The following DHRS3 variants were observed in gnomAD, a reference collection of about 807,000 sequenced individuals.
DHRS3 encodes dehydrogenase/reductase 3, also known as short-chain dehydrogenase/reductase 3.
Under a neutral mutation model 27.2 loss-of-function variants are expected in DHRS3, and 14 were observed. The observed-to-expected ratio is 0.52, with a 90% CI of 0.34 to 0.81. The LOEUF (loss-of-function observed/expected upper bound fraction) is 0.81, where lower values mean the gene tolerates loss of function less well. DHRS3 is among the 30% of genes least tolerant of loss of function. The pLI, the probability that DHRS3 is intolerant of heterozygous loss-of-function variation, is 0.01. For synonymous variants in DHRS3, 165 were observed against 175.9 expected (o/e 0.94, Z 0.49); for missense variants, 322 against 406.2 (o/e 0.79, Z 1.78).
intron 1 of DHRS3, among the ~76,000 whole-genome samples, chr1:12,597,190 C>T (rs1267042498): frequency 6.6e-6 from 1 of 152,192 alleles, no homozygotes; most frequent in East Asian, 1.9e-4. Context: ...GATTCTCCTG[C>T]CTCAGCCTCT....
chr1:12,589,722 G>A (rs900700612), intron 1 of DHRS3, among the ~76,000 whole-genome samples: 6 of 152,278 alleles, frequency 3.9e-5, no homozygotes, highest in East Asian at 3.9e-4. Flanking sequence ...GTTGGCTCAC[G>A]CCTATATTCC....
At chr1:12,583,624 TC>T (rs1646666819) in intron 1 of DHRS3, among the ~76,000 whole-genome samples, 1 of 135,076 alleles carries the variant, frequency 7.4e-6, no homozygotes, top group African/African-American at 2.9e-5. Flanking sequence ...CATCCATCCA[TC>T]CATCCATCCC....
intron 1 of DHRS3, chr1:12,616,782 C>T (rs1388782327): frequency 4.6e-6 from 5 of 1,087,030 alleles, no homozygotes; most frequent in African/African-American, 1.7e-5. Flanking sequence ...CAGGAGTGCG[C>T]ACACCCTGCA....
intron 1 of DHRS3, among the ~76,000 whole-genome samples, chr1:12,600,113 T>C (rs1353389412): frequency 6.6e-6 from 1 of 152,146 alleles, no homozygotes; most frequent in Non-Finnish European, 1.5e-5. Context: ...AGAGCCAGCA[T>C]ATGAACTTTG....
Position 12,617,162 on chromosome 1 carries a change from C to G in DHRS3, c.187G>C (p.Ala63Pro). 1 of 1,611,246 alleles carries G rather than the reference C, an allele frequency of 6.2e-7. No individual in the cohort carries two copies. Among genetic ancestry groups the G allele is most frequent in the Non-Finnish European group, 8.5e-7 (1 of 1,179,500 alleles). ...QLAREFAERG[A>P]RKIVLWGRTE... ...GTCGCAGTGCCTGGTACCTTTCTGGCGCCGCGCTCCGCGAACTCGCGGGCG... is the reference window on the plus strand; with the variant it reads ...GTCGCAGTGCCTGGTACCTTTCTGGGGCCGCGCTCCGCGAACTCGCGGGCG... The change falls in exon 1 of 6, where the codon GCC (alanine) becomes CCC (proline). Residue 63 changes from alanine (A) to proline (P), a missense_variant. Coordinates refer to ENST00000616661, the MANE Select transcript of DHRS3 (RefSeq NM_004753.7).
chr1:12,605,469 A>G (rs758838226), intron 1 of DHRS3, among the ~76,000 whole-genome samples: 24 of 152,228 alleles, frequency 1.6e-4, no homozygotes, highest in Non-Finnish European at 3.1e-4. Flanking sequence ...TGCCATGTAT[A>G]TTCCCATGTA....
chr1:12,612,814 T>G (rs1646919244), intron 1 of DHRS3, among the ~76,000 whole-genome samples: 1 of 152,060 alleles, frequency 6.6e-6, no homozygotes, highest in Non-Finnish European at 1.5e-5. Flanking sequence ...ATCCGAGCAC[T>G]TCGGGAGGCT....
chr1:12,579,004 C>T (rs772792187), intron 3 of DHRS3, 48 bp from the exon 4 acceptor site: 2 of 1,527,846 alleles, frequency 1.3e-6, no homozygotes, highest in African/African-American at 1.4e-5. Context: ...GCTCTGACAA[C>T]CCCTCCACCT....
chr1:12,598,442 T>C (rs922318141), intron 1 of DHRS3, among the ~76,000 whole-genome samples: 3 of 152,188 alleles, frequency 2.0e-5, no homozygotes, highest in African/African-American at 7.2e-5. Context: ...TTTAGGAGCT[T>C]CTCTGAGTTC....
Position 12,589,449 on chromosome 1 carries a change from C to A in DHRS3, c.196-8783G>T, listed in dbSNP as rs183325063. On this transcript the variant is annotated intron_variant, in intron 1 of 5. Coordinates refer to ENST00000616661, the MANE Select transcript of DHRS3 (RefSeq NM_004753.7). ...TGTGGGCTAGGCTGGAGTGCAGTGG[C>A]GCGATCTCGGCTCACTGCCTCCTCT... Among the ~76,000 whole-genome samples the A allele has an allele frequency of 1.0e-3, 144 of 143,134 alleles. 1 individual carries two copies. The highest frequency in any genetic ancestry group is 2.8e-3 in the Admixed American group (39 of 13,898). The allele number at this position is 143,134 out of a possible 152,430, so 93.9% of individuals were successfully genotyped here.
chr1:12,606,190 G>C (rs939930679), intron 1 of DHRS3, among the ~76,000 whole-genome samples: 9 of 149,656 alleles, frequency 6.0e-5, no homozygotes, highest in African/African-American at 2.2e-4. Context: ...TGGATAACTT[G>C]TTAAGAAGGG....
At chr1:12,606,007 G>A (rs145253168) in intron 1 of DHRS3, among the ~76,000 whole-genome samples, 1 of 151,974 alleles carries the variant, frequency 6.6e-6, no homozygotes, top group Non-Finnish European at 1.5e-5. Context: ...GCATGGTGAC[G>A]TGCGCCTGTA....
At chr1:12,568,910 G>A (rs1286695550) in intron 5 of DHRS3, among the ~76,000 whole-genome samples, 1 of 151,964 alleles carries the variant, frequency 6.6e-6, no homozygotes. Flanking sequence ...CTGGGTGGCA[G>A]AGCCAGACCC....
intron 1 of DHRS3, among the ~76,000 whole-genome samples, chr1:12,601,940 A>G (rs1646838501): frequency 6.6e-6 from 1 of 152,222 alleles, no homozygotes; most frequent in Non-Finnish European, 1.5e-5. Flanking sequence ...CTAACTAGCT[A>G]CAATGGGTCG....
chr1:12,580,456 T>C (rs560070887), intron 2 of DHRS3, 67 bp downstream of exon 2: 84 of 1,609,692 alleles, frequency 5.2e-5, no homozygotes, highest in Non-Finnish European at 7.0e-5. Flanking sequence ...CACATGAGAA[T>C]GTTCTCTTTG....
chr1:12,587,187 G>A (rs1401855011), intron 1 of DHRS3, among the ~76,000 whole-genome samples: 2 of 145,418 alleles, frequency 1.4e-5, no homozygotes, highest in South Asian at 4.4e-4. Flanking sequence ...CTGTTGCCCA[G>A]GCCGGAGTGC....
intron 1 of DHRS3, among the ~76,000 whole-genome samples, chr1:12,606,851 G>T (rs185260429): frequency 6.6e-6 from 1 of 152,216 alleles, no homozygotes; most frequent in Non-Finnish European, 1.5e-5. Flanking sequence ...TTTCTTCAAA[G>T]AACTGTAAGA....
chr1:12,615,581 A>C (rs1319409094), intron 1 of DHRS3, among the ~76,000 whole-genome samples: 1 of 152,176 alleles, frequency 6.6e-6, no homozygotes, highest in Admixed American at 6.5e-5. Context: ...AGTCAGCTAC[A>C]AGAACAGTAA....
intron 1 of DHRS3, among the ~76,000 whole-genome samples, chr1:12,607,273 A>C (rs1036947140): frequency 2.0e-5 from 3 of 152,182 alleles, no homozygotes; most frequent in African/African-American, 7.2e-5. Flanking sequence ...CTTAATCTTA[A>C]AAAATCTTTA....
Sources: allele counts gnomAD v4.1 joint callset (sites outside exome capture counted in the v4.1 genomes callset), GRCh38; gene constraint gnomAD v4.1.1; transcripts MANE v1.5; gene names NCBI Gene and HGNC (gene_info 2026-07-23, HGNC 2026-07-21).